PHACTR2: variants seen among roughly 807,000 people sequenced by gnomAD.
The protein encoded by PHACTR2 is phosphatase and actin regulator 2.
Under a neutral mutation model 76.0 loss-of-function variants are expected in PHACTR2, and 30 were observed. That is an observed-to-expected ratio of 0.39 (90% CI 0.30 to 0.54). PHACTR2 has a LOEUF of 0.54. PHACTR2 is among the 20% of genes least tolerant of loss of function. The pLI, the probability that PHACTR2 is intolerant of heterozygous loss-of-function variation, is 0.61. For synonymous variants in PHACTR2, 292 were observed against 292.5 expected, an observed-to-expected ratio of 1.00 and a Z score of 0.02; for missense variants, 696 against 781.1, an observed-to-expected ratio of 0.89 and a Z score of 1.30.
chr6:143,562,741 G>C lies in PHACTR2; in HGVS notation c.217+25534G>C, dbSNP rs561425571. Among the ~76,000 whole-genome samples the C allele has an allele frequency of 6.6e-6, 1 of 152,280 alleles. No individual in the cohort carries two copies. Among genetic ancestry groups the C allele is most frequent in the Non-Finnish European group, 1.5e-5 (1 of 68,026 alleles). ...AGGCATTGGAAATAGATCATCCACA[G>C]TTATTCCTAAAAGGTAATGAGTAGT... On this transcript the variant is annotated intron_variant, in intron 1 of 11. Transcript: ENST00000367584. The surrounding 1 kb of genome is among the most constrained non-coding windows in gnomAD (Gnocchi z 5.1).
chr6:143,765,358 A>G lies in PHACTR2; in HGVS notation c.792A>G (p.Thr264=), dbSNP rs199716145. 29 of 1,614,108 alleles carry G rather than the reference A, an allele frequency of 1.8e-5. No homozygotes were observed. Among genetic ancestry groups the G allele is most frequent in the Non-Finnish European group, 2.4e-5 (28 of 1,180,042 alleles). ...CTCGTCCCAAAGCTTCAAAGGAGAC[A>G]GTTTCTAGCAAAGCAGGGACAGTGG... The part of the protein sequence containing the change: ...TSSRPKASKE[T]VSSKAGTVGT... Residue 264 remains threonine (T), a synonymous_variant, in exon 6 of 13, where the codon ACA becomes ACG. Coordinates refer to ENST00000440869, the MANE Select transcript of PHACTR2 (RefSeq NM_001100164.2). This position sits in a 1 kb window ranked among gnomAD's most constrained non-coding sequence, Gnocchi z 4.1.
intron 4 of PHACTR2, among the ~76,000 whole-genome samples, chr6:143,758,928 T>A (rs912531770): frequency 2.8e-4 from 42 of 152,182 alleles, no homozygotes; most frequent in Admixed American, 2.2e-3. Context: ...ATATAAATAA[T>A]AATAAAATGC....
At position 143,548,867 on chromosome 6, in the gene PHACTR2, T is replaced by C. The variant is rs1336581905; in HGVS notation, c.217+11660T>C. Among the ~76,000 whole-genome samples, 2 of 151,930 alleles carry C rather than the reference T, an allele frequency of 1.3e-5. No individual in the cohort carries two copies. Among genetic ancestry groups the C allele is most frequent in the African/African-American group, 2.4e-5 (1 of 41,398 alleles). Reference sequence around the variant, plus strand: ...TAACATAACAAAGTGGATGTTTCATTGCACCATAGGTGTTTTAGAGTTGTG... The same window carrying C: ...TAACATAACAAAGTGGATGTTTCATCGCACCATAGGTGTTTTAGAGTTGTG... On this transcript the variant is annotated intron_variant, in intron 1 of 11. Transcript: ENST00000367584. The surrounding 1 kb of genome is among the most constrained non-coding windows in gnomAD (Gnocchi z 4.5).
At position 143,560,748 on chromosome 6, in the gene PHACTR2, G is replaced by A. The variant is rs920886077; in HGVS notation, c.217+23541G>A. Among the ~76,000 whole-genome samples, 8 of 152,144 alleles carry A rather than the reference G, an allele frequency of 5.3e-5. No homozygotes were observed. The South Asian group carries it at 6.2e-4, about 12-fold the overall frequency. On this transcript the variant is annotated intron_variant, in intron 1 of 11. Transcript: ENST00000367584. ...GTCATGAAGGATCCAGTAGGTGCTCGCTGGGGAGGGAGCGGAACTTGTTCC... is the reference window on the plus strand; with the variant it reads ...GTCATGAAGGATCCAGTAGGTGCTCACTGGGGAGGGAGCGGAACTTGTTCC...
At chr6:143,704,254 A>G (rs768430264) in intron 1 of PHACTR2, among the ~76,000 whole-genome samples, 28 of 152,172 alleles carry the variant, frequency 1.8e-4, no homozygotes, top group Non-Finnish European at 4.1e-4. Flanking sequence ...TACTTACCTT[A>G]TCTGGATCCA....
At chr6:143,634,634 T>C (rs893065204) in intron 1 of PHACTR2, among the ~76,000 whole-genome samples, 9 of 152,196 alleles carry the variant, frequency 5.9e-5, no homozygotes, top group Non-Finnish European at 1.3e-4. Flanking sequence ...GTTTATTCCA[T>C]TGGAGAATGA....
rs1775012903 is a variant in PHACTR2 at position 143,547,220 on chromosome 6, T to C, written c.217+10013T>C. On this transcript the variant is annotated intron_variant, in intron 1 of 11. Coordinates refer to the PHACTR2 transcript ENST00000367584. This position sits in a 1 kb window ranked among gnomAD's most constrained non-coding sequence, Gnocchi z 4.2. ...AAATATGTGACCCATATTTTTATCC[T>C]CTTGCCCTAACTATACCTCAATTGT... 6.6e-6 allele frequency among the ~76,000 whole-genome samples: 1 copy of C among 152,232 alleles called. No individual in the cohort carries two copies. The highest frequency in any genetic ancestry group is 1.5e-5 in the Non-Finnish European group (1 of 68,038).
chr6:143,682,823 T>C (rs1427225785), intron 1 of PHACTR2, among the ~76,000 whole-genome samples: 1 of 152,106 alleles, frequency 6.6e-6, no homozygotes, highest in Non-Finnish European at 1.5e-5. Context: ...CTATTAGCTA[T>C]GGGTTTCTTC....
In PHACTR2 at chr6:143,819,842, T is replaced by C. The variant is rs1439209882; in HGVS notation, c.1923-3832T>C. Among the ~76,000 whole-genome samples, 1 of 152,112 alleles carries C rather than the reference T, an allele frequency of 6.6e-6. No homozygotes were observed. The highest frequency in any genetic ancestry group is 1.5e-5 in the Non-Finnish European group (1 of 67,996). On this transcript the variant is annotated intron_variant, in intron 12 of 12. Transcript: ENST00000440869. This position sits in a 1 kb window ranked among gnomAD's most constrained non-coding sequence, Gnocchi z 5.0. ...CACCCTCACAGACTGTATTAGGCCA[T>C]TCTTGACTGCTATAAAGAAATACCT...
intron 1 of PHACTR2, among the ~76,000 whole-genome samples, chr6:143,650,365 A>G (rs1343487508): frequency 4.6e-5 from 7 of 152,230 alleles, no homozygotes; most frequent in African/African-American, 1.7e-4. Flanking sequence ...GAACCAAAAA[A>G]GAGCCCAAAT....
Position 143,807,477 on chromosome 6 carries a change from T to A in PHACTR2, c.1922+344T>A, listed in dbSNP as rs1776089789. 6.6e-6 allele frequency among the ~76,000 whole-genome samples: 1 copy of A among 152,220 alleles called. No individual in the cohort carries two copies. The highest frequency in any genetic ancestry group is 1.5e-5 in the Non-Finnish European group (1 of 68,030). On this transcript the variant is annotated intron_variant, in intron 12 of 12. Coordinates refer to ENST00000440869, the MANE Select transcript of PHACTR2 (RefSeq NM_001100164.2). The surrounding 1 kb of genome is among the most constrained non-coding windows in gnomAD (Gnocchi z 5.5). ...CTGAATAAGAATTTCTAAAATTAAA[T>A]CTTTTCTTTCAAGGAAGTCTGAATC... is the stretch of plus-strand genomic sequence containing the variant.
At chr6:143,720,567 G>T (rs6915752) in intron 2 of PHACTR2, among the ~76,000 whole-genome samples, 93,616 of 152,030 alleles carry the variant, frequency 0.62, 30,382 homozygotes, top group African/African-American at 0.84. Context: ...GTCTGATAAT[G>T]TAACCATTAA....
chr6:143,587,509 A>G (rs2128433888), intron 1 of PHACTR2, among the ~76,000 whole-genome samples: 1 of 152,336 alleles, frequency 6.6e-6, no homozygotes. Flanking sequence ...TCTTGGAGCA[A>G]ACACTGCAGC....
intron 2 of PHACTR2, among the ~76,000 whole-genome samples, chr6:143,714,216 A>G (rs1390577890): frequency 6.6e-6 from 1 of 152,202 alleles, no homozygotes; most frequent in Non-Finnish European, 1.5e-5. Flanking sequence ...GGCCAGACCC[A>G]CAACATCTTG....
At chr6:143,563,374 C>T (rs532077731) in intron 1 of PHACTR2, among the ~76,000 whole-genome samples, 1 of 145,474 alleles carries the variant, frequency 6.9e-6, no homozygotes, top group Non-Finnish European at 1.5e-5. Flanking sequence ...ACCATCCTTG[C>T]GAACATGGTG....
chr6:143,650,362 A>T (rs1471056116), intron 1 of PHACTR2, among the ~76,000 whole-genome samples: 3 of 152,186 alleles, frequency 2.0e-5, no homozygotes, highest in African/African-American at 4.8e-5. Context: ...GTGGAACCAA[A>T]AAAGAGCCCA....
At position 143,710,199 on chromosome 6, in the gene PHACTR2, G is replaced by A. The variant is rs62427397; in HGVS notation, c.47-1817G>A. Among the ~76,000 whole-genome samples, 15,927 of 152,018 alleles carry A rather than the reference G, an allele frequency of 0.1. 901 individuals carry two copies. Among genetic ancestry groups the A allele is most frequent in the Non-Finnish European group, 0.13 (9,025 of 67,948 alleles). Reference sequence around the variant, plus strand: ...TGGCTTCCATGCTTGTTGGCCTTTCGAGGTTTCTTACTTCTTCAGCTACGA... The same window carrying A: ...TGGCTTCCATGCTTGTTGGCCTTTCAAGGTTTCTTACTTCTTCAGCTACGA... On this transcript the variant is annotated intron_variant, in intron 1 of 12. Coordinates refer to ENST00000440869, the MANE Select transcript of PHACTR2 (RefSeq NM_001100164.2). The surrounding 1 kb of genome is among the most constrained non-coding windows in gnomAD (Gnocchi z 4.9).
At chr6:143,544,044 T>G (rs1042753320) in intron 1 of PHACTR2, among the ~76,000 whole-genome samples, 2 of 152,168 alleles carry the variant, frequency 1.3e-5, no homozygotes, top group African/African-American at 2.4e-5. Context: ...TCTCTTGACC[T>G]CCTATCTTCT....
intron 12 of PHACTR2, among the ~76,000 whole-genome samples, chr6:143,817,218 A>C (rs1776317148): frequency 1.3e-5 from 2 of 152,234 alleles, no homozygotes; most frequent in Admixed American, 1.3e-4. Context: ...CCTTGAATTC[A>C]AGATTAGATG....
Sources: allele counts gnomAD v4.1 joint callset (sites outside exome capture counted in the v4.1 genomes callset), GRCh38; gene constraint gnomAD v4.1.1; non-coding constraint Gnocchi (gnomAD v3.1); transcripts MANE v1.5; gene names NCBI Gene and HGNC (gene_info 2026-07-23, HGNC 2026-07-21).